PARK7: variants seen among roughly 807,000 people sequenced by gnomAD.
PARK7 encodes the protein Parkinsonism associated deglycase.
In PARK7, 14 loss-of-function variants were observed where a neutral mutation model predicts 20.5. The observed-to-expected ratio is 0.68, with a 90% CI of 0.45 to 1.07. The LOEUF (loss-of-function observed/expected upper bound fraction) is 1.07. Ranked by LOEUF, PARK7 falls within the 50% of genes least tolerant of loss-of-function variation. The pLI, the probability that PARK7 is intolerant of heterozygous loss-of-function variation, is 0.00. For synonymous variants in PARK7, 98 were observed against 84.3 expected (o/e 1.16, Z -0.89); for missense variants, 234 against 238.1 (o/e 0.98, Z 0.11).
At chr1:7,969,134 T>C in intron 3 of PARK7, 1 of 538,958 alleles carries the variant, frequency 1.9e-6, no homozygotes. Flanking sequence ...CATCCTTGCA[T>C]GTCACTACAT....
chr1:7,984,969 T>C lies in PARK7; in HGVS notation c.485T>C (p.Phe162Ser). Residue 162 changes from phenylalanine (F) to serine (S), a missense_variant, in exon 7 of 7, where the codon TTC becomes TCC. Physicochemically the swap from Phe to Ser is radical, Grantham distance 155 (BLOSUM62 -2). Coordinates refer to ENST00000338639, the MANE Select transcript of PARK7 (RefSeq NM_007262.5). This position sits in a 1 kb window ranked among gnomAD's most constrained non-coding sequence, Gnocchi z 4.3. ...ILTSRGPGTS[F>S]EFALAIVEAL... ...ACAAGCCGGGGGCCTGGGACCAGCT[T>C]CGAGTTTGCGCTTGCAATTGTTGAA... 1 of 1,614,208 alleles carries C rather than the reference T, an allele frequency of 6.2e-7. No individual in the cohort carries two copies. The highest frequency in any genetic ancestry group is 8.5e-7 in the Non-Finnish European group (1 of 1,180,042).
chr1:7,978,598 C>T (rs575421347), intron 6 of PARK7, among the ~76,000 whole-genome samples: 2 of 148,474 alleles, frequency 1.3e-5, no homozygotes, highest in African/African-American at 5.1e-5. Flanking sequence ...AATCCCAGTA[C>T]TTTGGGAGGC....
chr1:7,985,283 C>G lies in PARK7; in HGVS notation c.*229C>G, dbSNP rs1640796871. 3 of 553,408 alleles carry G rather than the reference C, an allele frequency of 5.4e-6. No homozygotes were observed. The South Asian group carries it at 6.1e-5, about 11-fold the overall frequency. 34.3% of individuals were successfully genotyped at this position (553,408 alleles called of 1,614,324 possible). A position where few individuals can be genotyped will look rare whatever the true frequency, so the allele number is the denominator to read the frequency against. On this transcript the variant is annotated 3_prime_UTR_variant, in exon 7 of 7. Coordinates refer to ENST00000338639, the MANE Select transcript of PARK7 (RefSeq NM_007262.5). ...AATAAACAGGGCATTTAGCAAACTA[C>G]TGATTGTTTCTTGTTTTGTCTCTCA...
chr1:7,975,905 A>T (rs1017176676), intron 5 of PARK7, among the ~76,000 whole-genome samples: 21 of 152,262 alleles, frequency 1.4e-4, no homozygotes, highest in Admixed American at 6.5e-5. Context: ...ACGGACTTCT[A>T]AAATTTGCTA....
chr1:7,964,923 C>T (rs1331473163), intron 2 of PARK7, among the ~76,000 whole-genome samples: 3 of 152,176 alleles, frequency 2.0e-5, no homozygotes, highest in Admixed American at 2.0e-4. Flanking sequence ...TGTTCCAGTC[C>T]CACAGAGTAC....
intron 2 of PARK7, among the ~76,000 whole-genome samples, chr1:7,964,408 T>C (rs1159284276): frequency 6.6e-6 from 1 of 152,178 alleles, no homozygotes; most frequent in African/African-American, 2.4e-5. Flanking sequence ...CTGTTAACCC[T>C]ATACTCCTCT....
intron 3 of PARK7, among the ~76,000 whole-genome samples, chr1:7,967,724 A>G (rs1261793245): frequency 6.6e-6 from 1 of 151,624 alleles, no homozygotes; most frequent in Non-Finnish European, 1.5e-5. Flanking sequence ...TTTTGAGACT[A>G]GCCTGGGCAA....
At chr1:7,963,414 C>T (rs1330472753) in intron 2 of PARK7, among the ~76,000 whole-genome samples, 7 of 147,510 alleles carry the variant, frequency 4.7e-5, no homozygotes, top group Non-Finnish European at 3.0e-5. Flanking sequence ...GATGGTGTCT[C>T]TCTGTGTCGC....
intron 5 of PARK7, 80 bp from the exon 6 acceptor site, chr1:7,977,572 A>G: frequency 1.6e-6 from 2 of 1,265,816 alleles, no homozygotes; most frequent in Non-Finnish European, 2.3e-6. Context: ...GGCATGAGCC[A>G]CTGTGCCAGG....
chr1:7,961,971 T>G (rs905589155), intron 1 of PARK7, 178 bp downstream of exon 1: 1 of 152,260 alleles, frequency 6.6e-6, no homozygotes, highest in African/African-American at 2.4e-5. Context: ...GCGTTGGATT[T>G]GACTGACCGC....
At chr1:7,961,963 G>GT (rs1219943497) in intron 1 of PARK7, 170 bp downstream of exon 1, 2 of 152,310 alleles carry the variant, frequency 1.3e-5, no homozygotes, top group Admixed American at 6.5e-5. Context: ...TGTCGCTGGC[G>GT]TTGGATTTGA....
intron 5 of PARK7, among the ~76,000 whole-genome samples, chr1:7,974,602 C>T (rs1200921610): frequency 6.6e-6 from 1 of 151,114 alleles, no homozygotes; most frequent in Non-Finnish European, 1.5e-5. Context: ...GCTCTCCAGC[C>T]TGGGCGACAG....
chr1:7,984,766 A>C lies in PARK7; in HGVS notation c.410-128A>C. The C allele has an allele frequency of 8.6e-7, 1 of 1,160,254 alleles. No individual in the cohort carries two copies. Among genetic ancestry groups the C allele is most frequent in the Admixed American group, 1.8e-5 (1 of 55,362 alleles). 71.9% of individuals were successfully genotyped at this position (1,160,254 alleles called of 1,614,324 possible). ...CTTCTAAGAGCTTGGAGTGCCTAGT[A>C]AATGTTTTTGAATGGTTAGCTACAG... On this transcript the variant is annotated intron_variant, in intron 6 of 6. Transcript: ENST00000338639. The surrounding 1 kb of genome is among the most constrained non-coding windows in gnomAD (Gnocchi z 4.3).
rs949866975 is a variant in PARK7 at position 7,967,897 on chromosome 1, G to A, written c.193-1448G>A. On this transcript the variant is annotated intron_variant, in intron 3 of 6. Coordinates refer to ENST00000338639, the MANE Select transcript of PARK7 (RefSeq NM_007262.5). ...ATTGCATCACTGCACTCTAGCCTGG[G>A]TGACAGAGGTGAGGGCTTCTCTCTA... is the stretch of plus-strand genomic sequence containing the variant. Among the ~76,000 whole-genome samples, 4 of 152,330 alleles carry A rather than the reference G, an allele frequency of 2.6e-5. No individual in the cohort carries two copies. In the East Asian group the frequency reaches 5.8e-4, roughly 22 times the overall value.
chr1:7,969,662 T>G (rs375716363), intron 4 of PARK7, among the ~76,000 whole-genome samples: 10 of 151,814 alleles, frequency 6.6e-5, no homozygotes, highest in Non-Finnish European at 7.4e-5. Context: ...CTCACTGCAA[T>G]CTCCGCCTCC....
intron 5 of PARK7, 95 bp downstream of exon 5, chr1:7,971,058 A>G: frequency 7.6e-7 from 1 of 1,315,860 alleles, no homozygotes; most frequent in South Asian, 1.2e-5. Flanking sequence ...TCCCCTTCAT[A>G]AAGCATGCAG....
intron 6 of PARK7, among the ~76,000 whole-genome samples, chr1:7,979,168 G>A (rs980730219): frequency 2.0e-5 from 3 of 152,034 alleles, no homozygotes; most frequent in African/African-American, 4.8e-5. Context: ...CTTGAATGCC[G>A]CTGTGAGCAT....
At chr1:7,978,321 C>T (rs1349612341) in intron 6 of PARK7, among the ~76,000 whole-genome samples, 3 of 151,748 alleles carry the variant, frequency 2.0e-5, no homozygotes, top group Non-Finnish European at 4.4e-5. Context: ...TGTGATCTGC[C>T]TGCCTCAGCC....
chr1:7,981,810 C>A (rs545011455), intron 6 of PARK7, among the ~76,000 whole-genome samples: 1 of 151,936 alleles, frequency 6.6e-6, no homozygotes, highest in African/African-American at 2.4e-5. Flanking sequence ...AGGTGCCCGC[C>A]ACCACGCCTG....
Sources: allele counts gnomAD v4.1 joint callset (sites outside exome capture counted in the v4.1 genomes callset), GRCh38; gene constraint gnomAD v4.1.1; non-coding constraint Gnocchi (gnomAD v3.1); transcripts MANE v1.5; gene names NCBI Gene and HGNC (gene_info 2026-07-23, HGNC 2026-07-21).